Variants in DSCAM observed in about 807,000 individuals in gnomAD.
DSCAM encodes cell adhesion molecule DSCAM.
A neutral mutation model predicts 217.7 loss-of-function variants in DSCAM; 47 were observed. The observed-to-expected ratio is 0.22, with a 90% CI of 0.17 to 0.28. The LOEUF is 0.28. Among genes scored for constraint, DSCAM ranks in the 10% least tolerant of loss-of-function variants. DSCAM has a pLI of 1.00. For synonymous variants in DSCAM, 1,056 were observed against 1,015.3 expected (o/e 1.04, Z -0.76); for missense variants, 2,080 against 2,618.3 (o/e 0.79, Z 4.49).
intron 1 of DSCAM, among the ~76,000 whole-genome samples, chr21:40,796,799 C>T (rs376769695): frequency 3.0e-4 from 46 of 152,096 alleles, no homozygotes; most frequent in African/African-American, 9.6e-4. Flanking sequence ...TGGTCATGGA[C>T]GCATATGCTT....
intron 11 of DSCAM, among the ~76,000 whole-genome samples, chr21:40,211,240 G>A (rs1158642146): frequency 6.6e-6 from 1 of 152,150 alleles, no homozygotes. Context: ...ACTATGGATG[G>A]ACCATAGATT....
chr21:40,636,382 G>C (rs375635946), intron 3 of DSCAM, among the ~76,000 whole-genome samples: 1 of 152,086 alleles, frequency 6.6e-6, no homozygotes, highest in Admixed American at 6.5e-5. Flanking sequence ...GAGAGGGAGA[G>C]AGAGAGAAAG....
chr21:40,061,586 G>A lies in DSCAM; in HGVS notation c.4919+1283C>T, dbSNP rs115090363. Among the ~76,000 whole-genome samples, 173 of 140,380 alleles carry A rather than the reference G, an allele frequency of 1.2e-3. 5 individuals are homozygous for A. Among genetic ancestry groups the A allele is most frequent in the Middle Eastern group, 0.011 (3 of 262 alleles). 92.1% of individuals were successfully genotyped at this position (140,380 alleles called of 152,430 possible). A position where few individuals can be genotyped will look rare whatever the true frequency, so the allele number is the denominator to read the frequency against. ...CTCTGTCCCAAAAAAAAAAAAAAAA[G>A]AAAAAGGAAAAGACTTATCCTTCAT... On this transcript the variant is annotated intron_variant, in intron 28 of 32. Transcript: ENST00000400454.
At chr21:40,516,951 C>T (rs1437885217) in intron 3 of DSCAM, among the ~76,000 whole-genome samples, 2 of 146,384 alleles carry the variant, frequency 1.4e-5, no homozygotes, top group Non-Finnish European at 3.0e-5. Context: ...TACATATTCA[C>T]CTTACTCTCT....
intron 16 of DSCAM, among the ~76,000 whole-genome samples, chr21:40,152,876 C>T (rs527864390): frequency 6.6e-6 from 1 of 152,234 alleles, no homozygotes; most frequent in African/African-American, 2.4e-5. Flanking sequence ...CCTCCTGCCC[C>T]CTTCCCATTG....
At chr21:40,173,210 G>A (rs560625831) in intron 15 of DSCAM, among the ~76,000 whole-genome samples, 145 of 152,274 alleles carry the variant, frequency 9.5e-4, no homozygotes, top group African/African-American at 2.8e-3. Context: ...TGATACAAGC[G>A]ACTGCTAGAA....
At chr21:40,278,491 C>T (rs74595641) in intron 10 of DSCAM, among the ~76,000 whole-genome samples, 1 of 151,992 alleles carries the variant, frequency 6.6e-6, no homozygotes, top group Non-Finnish European at 1.5e-5. Context: ...CCAGCACTCT[C>T]GGAGACCAGG....
intron 21 of DSCAM, among the ~76,000 whole-genome samples, chr21:40,092,883 C>T (rs2089629200): frequency 6.6e-6 from 1 of 152,054 alleles, no homozygotes. Context: ...TTTTTCCCCT[C>T]ACTGCTTTAT....
At chr21:40,546,726 G>A (rs939509215) in intron 3 of DSCAM, among the ~76,000 whole-genome samples, 1 of 152,172 alleles carries the variant, frequency 6.6e-6, no homozygotes. Flanking sequence ...GCAAAAATCT[G>A]TGGGTGACAT....
rs1364488024 is a variant in DSCAM at position 40,306,549 on chromosome 21, T to C, written c.2062+5532A>G. The stretch of plus-strand genomic sequence containing the variant: ...TTTCAAAGGGAATGCTTCCAGTTTT[T>C]GCCCATTCAGTATGATATTGGCTGT... On this transcript the variant is annotated intron_variant, in intron 9 of 32. Transcript: ENST00000400454. 6.1e-5 allele frequency among the ~76,000 whole-genome samples: 9 copies of C among 146,760 alleles called. No homozygotes were observed. The East Asian group carries it at 1.8e-3, about 30-fold the overall frequency.
At chr21:40,673,962 T>C (rs1243636379) in intron 3 of DSCAM, among the ~76,000 whole-genome samples, 4 of 152,192 alleles carry the variant, frequency 2.6e-5, no homozygotes, top group Non-Finnish European at 5.9e-5. Context: ...AATGGACTAA[T>C]ACATCTAAAA....
intron 1 of DSCAM, among the ~76,000 whole-genome samples, chr21:40,744,317 AG>A (rs764909385): frequency 2.0e-5 from 3 of 152,176 alleles, no homozygotes; most frequent in Non-Finnish European, 4.4e-5. Context: ...GCAGGGATGC[AG>A]ATGTCATACT....
intron 3 of DSCAM, among the ~76,000 whole-genome samples, chr21:40,647,172 C>G (rs944358741): frequency 2.0e-5 from 3 of 152,148 alleles, no homozygotes; most frequent in Non-Finnish European, 2.9e-5. Context: ...CCAGCATTCA[C>G]CACACGCTGT....
intron 11 of DSCAM, among the ~76,000 whole-genome samples, chr21:40,247,637 G>A (rs2073244048): frequency 6.6e-6 from 1 of 152,220 alleles, no homozygotes; most frequent in South Asian, 2.1e-4. Flanking sequence ...AGGCTTTCCA[G>A]GGTACAACCT....
At chr21:40,738,955 G>C (rs1318279433) in intron 1 of DSCAM, among the ~76,000 whole-genome samples, 1 of 152,174 alleles carries the variant, frequency 6.6e-6, no homozygotes, top group East Asian at 1.9e-4. Context: ...CTGCTTCCCA[G>C]CTCCAACCCT....
intron 1 of DSCAM, among the ~76,000 whole-genome samples, chr21:40,839,671 T>C: frequency 6.6e-6 from 1 of 152,190 alleles, no homozygotes; most frequent in Admixed American, 6.5e-5. Flanking sequence ...CAAAATGCTG[T>C]ACAGAGCTGG....
intron 1 of DSCAM, among the ~76,000 whole-genome samples, chr21:40,716,731 AGCATTCACTGAT>A (rs1467608103): frequency 1.3e-5 from 2 of 152,220 alleles, no homozygotes; most frequent in Non-Finnish European, 2.9e-5. Context: ...CAGTGACACA[AGCATTCACTGAT>A]GCAATAATAT....
At chr21:40,657,406 A>G (rs772581260) in intron 3 of DSCAM, among the ~76,000 whole-genome samples, 1 of 152,208 alleles carries the variant, frequency 6.6e-6, no homozygotes, top group Non-Finnish European at 1.5e-5. Flanking sequence ...AAGCAAATAA[A>G]CCAGGGTACG....
rs1475558115 is a variant in DSCAM, at chr21:40,758,685, T to C, written c.44-49914A>G. ...CAACTCCGGTTTTGTCATCAGCTGC[T>C]TGCTTAGGCGAGGATGAGGGGGGCA... is the stretch of plus-strand genomic sequence containing the variant. On this transcript the variant is annotated intron_variant, in intron 1 of 32. Transcript: ENST00000400454. Among the ~76,000 whole-genome samples, 4 of 152,192 alleles carry C rather than the reference T, an allele frequency of 2.6e-5. No individual in the cohort carries two copies. The East Asian group carries it at 7.8e-4, about 30-fold the overall frequency.
Sources: allele counts gnomAD v4.1 joint callset (sites outside exome capture counted in the v4.1 genomes callset), GRCh38; gene constraint gnomAD v4.1.1; transcripts MANE v1.5; gene names NCBI Gene and HGNC (gene_info 2026-07-23, HGNC 2026-07-21).